MYO3B: variants seen among roughly 807,000 people sequenced by gnomAD.
MYO3B encodes the protein myosin IIIB.
Under a neutral mutation model 174.6 loss-of-function variants are expected in MYO3B, and 156 were observed. The observed-to-expected ratio is 0.89, with a 90% CI of 0.78 to 1.02. The LOEUF is 1.02. Ranked by LOEUF, MYO3B falls within the 50% of genes least tolerant of loss-of-function variation. MYO3B has a pLI of 0.00. For synonymous variants in MYO3B, 563 were observed against 569.1 expected, an observed-to-expected ratio of 0.99 and a Z score of 0.15; for missense variants, 1,632 against 1,639.4, an observed-to-expected ratio of 1.00 and a Z score of 0.08.
At chr2:170,257,331 T>C (rs1007092260) in intron 7 of MYO3B, among the ~76,000 whole-genome samples, 1 of 152,100 alleles carries the variant, frequency 6.6e-6, no homozygotes, top group Non-Finnish European at 1.5e-5. Context: ...AACTGCATTC[T>C]CAGCTGTAAG....
intron 32 of MYO3B, among the ~76,000 whole-genome samples, chr2:170,568,259 G>A (rs1049284094): frequency 2.0e-5 from 3 of 152,246 alleles, no homozygotes; most frequent in Non-Finnish European, 2.9e-5. Flanking sequence ...CAGAAAGAGT[G>A]TGGTATATAT....
At chr2:170,278,216 A>T (rs1322937188) in intron 7 of MYO3B, among the ~76,000 whole-genome samples, 1 of 152,162 alleles carries the variant, frequency 6.6e-6, no homozygotes, top group Non-Finnish European at 1.5e-5. Flanking sequence ...TTTTATCCCC[A>T]GTTTATCACC....
chr2:170,282,989 C>T (rs777005501), intron 7 of MYO3B, among the ~76,000 whole-genome samples: 1 of 152,234 alleles, frequency 6.6e-6, no homozygotes, highest in Non-Finnish European at 1.5e-5. Flanking sequence ...TTCACCATTG[C>T]AGTCCTCTGG....
At chr2:170,372,242 T>C (rs1433214981) in intron 9 of MYO3B, among the ~76,000 whole-genome samples, 1 of 152,048 alleles carries the variant, frequency 6.6e-6, no homozygotes, top group Non-Finnish European at 1.5e-5. Flanking sequence ...TTCCAAAGTT[T>C]CTTCTATAAA....
At chr2:170,299,947 C>T (rs946239100) in intron 7 of MYO3B, among the ~76,000 whole-genome samples, 3 of 152,162 alleles carry the variant, frequency 2.0e-5, no homozygotes, top group Admixed American at 1.3e-4. Context: ...GAGATTGTAG[C>T]ATCGCAGTGT....
chr2:170,537,064 G>T (rs1469068002), intron 30 of MYO3B, among the ~76,000 whole-genome samples: 2 of 151,976 alleles, frequency 1.3e-5, no homozygotes, highest in African/African-American at 4.8e-5. Flanking sequence ...AGCCGGGCGT[G>T]GTGGTGGGCG....
At position 170,206,297 on chromosome 2, in the gene MYO3B, C is replaced by G. The variant is rs1040292477; in HGVS notation, c.321+6013C>G. On this transcript the variant is annotated intron_variant, in intron 3 of 34. Transcript: ENST00000408978. The surrounding 1 kb of genome is among the most constrained non-coding windows in gnomAD (Gnocchi z 4.3). Reference sequence around the variant, plus strand: ...GGGAAGTTTTCCTAGACTGTCCCCTCTTTGCCCTCCCTCAGCAGAGTTCAC... The same window carrying G: ...GGGAAGTTTTCCTAGACTGTCCCCTGTTTGCCCTCCCTCAGCAGAGTTCAC... Among the ~76,000 whole-genome samples, 4 of 152,192 alleles carry G rather than the reference C, an allele frequency of 2.6e-5. No individual in the cohort carries two copies. Among genetic ancestry groups the G allele is most frequent in the Non-Finnish European group, 5.9e-5 (4 of 68,032 alleles).
chr2:170,348,771 C>A (rs1456238885), intron 8 of MYO3B: 1 of 152,162 alleles, frequency 6.6e-6, no homozygotes, highest in Non-Finnish European at 1.5e-5. Context: ...GCCAAAGCGC[C>A]CACAGGCTCT....
chr2:170,652,247 TA>T (rs1699060687), intron 34 of MYO3B, 93 bp downstream of exon 34: 8 of 1,106,126 alleles, frequency 7.2e-6, no homozygotes, highest in Non-Finnish European at 1.1e-5. Context: ...GAGAGGCTTC[TA>T]AAAATATGCA....
In MYO3B at chr2:170,319,185, C is replaced by A. The variant is rs144596554; in HGVS notation, c.750-16200C>A. On this transcript the variant is annotated intron_variant, in intron 7 of 34. Coordinates refer to ENST00000408978, the MANE Select transcript of MYO3B (RefSeq NM_138995.5). ...TTCTCAAACTGCACTATGAGTTAGG[C>A]ACTTGTAGTATTTGCATTTTCTAGG... is the stretch of plus-strand genomic sequence containing the variant. Among the ~76,000 whole-genome samples the A allele has an allele frequency of 1.5e-3, 234 of 152,276 alleles. 7 individuals are homozygous for A. The East Asian group carries it at 0.032, about 21-fold the overall frequency.
chr2:170,522,511 A>G (rs1203375431), intron 30 of MYO3B, among the ~76,000 whole-genome samples: 1 of 152,156 alleles, frequency 6.6e-6, no homozygotes, highest in Admixed American at 6.5e-5. Context: ...TCCAGCTTTC[A>G]TTTCTCACAC....
Position 170,401,558 on chromosome 2 carries a change from A to G in MYO3B, c.1996A>G (p.Thr666Ala). 1.9e-6 allele frequency: 3 copies of G among 1,614,132 alleles called. No homozygotes were observed. Among genetic ancestry groups the G allele is most frequent in the Non-Finnish European group, 2.5e-6 (3 of 1,180,012 alleles). ...CCACTGTGTGGTCACCCGGGGCGAG[A>G]CCATCATCCGTGCCAACACTGTAGA... ...TSHCVVTRGE[T>A]IIRANTVDRA... The change falls in exon 18 of 35, where the codon ACC becomes GCC. Residue 666 changes from threonine (T) to alanine (A), a missense_variant. Thr to Ala is a moderately conservative substitution (Grantham distance 58, BLOSUM62 0). Coordinates refer to ENST00000408978, the MANE Select transcript of MYO3B (RefSeq NM_138995.5).
intron 32 of MYO3B, among the ~76,000 whole-genome samples, chr2:170,569,799 T>C (rs1169421770): frequency 3.3e-5 from 5 of 151,016 alleles, no homozygotes; most frequent in African/African-American, 9.7e-5. Flanking sequence ...GGGCGGAGGT[T>C]TCAGTGAGCT....
chr2:170,380,734 T>C (rs1394578819), intron 9 of MYO3B, among the ~76,000 whole-genome samples: 1 of 152,194 alleles, frequency 6.6e-6, no homozygotes, highest in Non-Finnish European at 1.5e-5. Flanking sequence ...AACTCACATA[T>C]ATACACAAAA....
At chr2:170,627,551 C>T (rs568548651) in intron 32 of MYO3B, among the ~76,000 whole-genome samples, 9 of 152,350 alleles carry the variant, frequency 5.9e-5, no homozygotes, top group South Asian at 4.1e-4. Context: ...TCTCTCAATT[C>T]GTCAAAGTCA....
At chr2:170,422,193 TTTG>T (rs374107691) in intron 22 of MYO3B, among the ~76,000 whole-genome samples, 2 of 152,020 alleles carry the variant, frequency 1.3e-5, no homozygotes, top group Non-Finnish European at 1.5e-5. Context: ...CTTGAGTTGC[TTTG>T]TTGTTGTTGT....
intron 3 of MYO3B, among the ~76,000 whole-genome samples, chr2:170,201,927 A>T (rs1435322742): frequency 6.6e-6 from 1 of 152,202 alleles, no homozygotes; most frequent in African/African-American, 2.4e-5. Flanking sequence ...TGACTAAAAA[A>T]GGCTCATATC....
chr2:170,638,957 A>C (rs2105431788), intron 32 of MYO3B, among the ~76,000 whole-genome samples: 1 of 152,210 alleles, frequency 6.6e-6, no homozygotes, highest in East Asian at 1.9e-4. Context: ...GCTACAGCTG[A>C]CCAGCCCCTT....
intron 9 of MYO3B, among the ~76,000 whole-genome samples, chr2:170,381,335 G>T (rs943179428): frequency 3.9e-5 from 6 of 152,122 alleles, no homozygotes; most frequent in African/African-American, 1.2e-4. Flanking sequence ...TAAGCTTACA[G>T]TATAAAACCT....
Sources: gnomAD v4.1 joint callset for allele counts (sites outside exome capture counted in the v4.1 genomes callset) on GRCh38, gnomAD v4.1.1 for gene constraint, Gnocchi (gnomAD v3.1) non-coding constraint, MANE v1.5 for transcripts, NCBI Gene and HGNC (gene_info 2026-07-23, HGNC 2026-07-21) for gene names.